MRPS12: variants seen among roughly 807,000 people sequenced by gnomAD.
MRPS12 encodes the protein mitochondrial ribosomal protein S12, also known as small ribosomal subunit protein uS12m.
Under a neutral mutation model 8.4 loss-of-function variants are expected in MRPS12, and 7 were observed. The ratio of observed to expected loss-of-function variants is 0.83; its 90% CI spans 0.47 to 1.56. MRPS12 has a LOEUF of 1.56. Ranked by LOEUF, MRPS12 falls within the 40% of genes most tolerant of loss-of-function variation. The probability of loss-of-function intolerance (pLI) is 0.01; values close to 1 mark genes in which losing one functional copy is unlikely to be tolerated. For synonymous variants in MRPS12, 84 were observed against 84.1 expected, an observed-to-expected ratio of 1.00 and a Z score of 0.01; for missense variants, 200 against 194.1, an observed-to-expected ratio of 1.03 and a Z score of -0.18.
chr19:38,931,824 C>T lies in MRPS12; in HGVS notation c.49+481C>T, dbSNP rs1332211762. 1.9e-5 allele frequency: 3 copies of T among 157,702 alleles called. No individual in the cohort carries two copies. The Admixed American group carries it at 1.9e-4, about 10-fold the overall frequency. 9.8% of individuals were successfully genotyped at this position (157,702 alleles called of 1,614,324 possible). On this transcript the variant is annotated intron_variant, in intron 2 of 2. Coordinates refer to ENST00000308018, the MANE Select transcript of MRPS12 (RefSeq NM_033362.4). ...AAGTGCTAGGATTACATGCATGAGC[C>T]ACTGAGCCTACTATTATTTTAAACA...
rs201447868 is a variant in MRPS12, at chr19:38,932,396, G to A, written c.113G>A (p.Arg38His). Residue 38 changes from arginine (R) to histidine (H), a missense_variant, in exon 3 of 3, where the codon CGC becomes CAC. Physicochemically the swap from Arg to His is conservative, Grantham distance 29. Transcript: ENST00000308018. ...CSMATLNQMH[R>H]LGPPKRPPRK... ...ATGGCTACCCTGAACCAGATGCACCGCCTGGGGCCCCCCAAGCGGCCGCCT... is the reference window on the plus strand; with the variant it reads ...ATGGCTACCCTGAACCAGATGCACCACCTGGGGCCCCCCAAGCGGCCGCCT... 9.4e-6 allele frequency: 15 copies of A among 1,602,542 alleles called. No individual in the cohort carries two copies. The highest frequency in any genetic ancestry group is 6.7e-5 in the East Asian group (3 of 44,730).
At chr19:38,931,144 A>C in intron 1 of MRPS12, 132 bp from the exon 2 acceptor site, 1 of 761,834 alleles carries the variant, frequency 1.3e-6, no homozygotes, top group Non-Finnish European at 2.2e-6. Context: ...TGTTAGCAGC[A>C]TGAGGGCCTG....
At position 38,932,373 on chromosome 19, in the gene MRPS12, G is replaced by A; in HGVS notation, c.90G>A (p.Met30Ile). Residue 30 changes from methionine to isoleucine, a missense_variant, in exon 3 of 3, where the codon ATG becomes ATA. Coordinates refer to ENST00000308018, the MANE Select transcript of MRPS12 (RefSeq NM_033362.4). ...CCCGGCTCTGGGCTACCTGCTCCAT[G>A]GCTACCCTGAACCAGATGCACCGCC... is the stretch of plus-strand genomic sequence containing the variant. ...LVPRLWATCS[M>I]ATLNQMHRLG... 1 of 1,578,416 alleles carries A rather than the reference G, an allele frequency of 6.3e-7. No individual in the cohort carries two copies. The highest frequency in any genetic ancestry group is 8.6e-7 in the Non-Finnish European group (1 of 1,160,064).
rs776376225 is a variant in MRPS12, at chr19:38,932,358, G to T, written c.75G>T (p.Trp25Cys). 1.3e-6 allele frequency: 2 copies of T among 1,555,444 alleles called. No individual in the cohort carries two copies. The highest frequency in any genetic ancestry group is 1.2e-5 in the South Asian group (1 of 84,500). Residue 25 changes from tryptophan to cysteine, a missense_variant, in exon 3 of 3, where the codon TGG (tryptophan) becomes TGT (cysteine). Coordinates refer to ENST00000308018, the MANE Select transcript of MRPS12 (RefSeq NM_033362.4). ...TCGPALVPRL[W>C]ATCSMATLNQ... ...GCCCAGCTCTGGTTCCCCGGCTCTGGGCTACCTGCTCCATGGCTACCCTGA... is the reference window on the plus strand; with the variant it reads ...GCCCAGCTCTGGTTCCCCGGCTCTGTGCTACCTGCTCCATGGCTACCCTGA...
In MRPS12 at chr19:38,930,982, C is replaced by T. The variant is rs544092057; in HGVS notation, c.-36C>T. 4 of 604,610 alleles carry T rather than the reference C, an allele frequency of 6.6e-6. No individual in the cohort carries two copies. Among genetic ancestry groups the T allele is most frequent in the East Asian group, 2.8e-5 (1 of 36,046 alleles). 37.5% of individuals were successfully genotyped at this position (604,610 alleles called of 1,614,324 possible). A position where few individuals can be genotyped will look rare whatever the true frequency, so the allele number is the denominator to read the frequency against. ...TGGATTCAGCGTGTCCGCGACCTCA[C>T]CTTTAGGTCCTGTGAGGTCGGTGGA... On this transcript the variant is annotated 5_prime_UTR_variant, in exon 1 of 3. Coordinates refer to ENST00000308018, the MANE Select transcript of MRPS12 (RefSeq NM_033362.4).
At position 38,932,535 on chromosome 19, in the gene MRPS12, G is replaced by T. The variant is rs35977895; in HGVS notation, c.252G>T (p.Arg84=). 1.4e-3 allele frequency: 2,315 copies of T among 1,613,102 alleles called. 32 individuals carry two copies. In the African/African-American group the frequency reaches 0.028, roughly 19 times the overall value. Residue 84 remains arginine, a synonymous_variant, in exon 3 of 3, where the codon CGG becomes CGT. Transcript: ENST00000308018. The part of the protein sequence containing the change: ...NSANRKCCRV[R]LSTGREAVCF... ...CCAATCGCAAGTGCTGTCGAGTGCG[G>T]CTCAGCACTGGCCGCGAGGCCGTCT...
rs760349697 is a variant in MRPS12, at chr19:38,931,309, C to T, written c.15C>T (p.Gly5=). 6 of 1,605,368 alleles carry T rather than the reference C, an allele frequency of 3.7e-6. No individual in the cohort carries two copies. Among genetic ancestry groups the T allele is most frequent in the Non-Finnish European group, 4.3e-6 (5 of 1,176,398 alleles). The change falls in exon 2 of 3, where the codon GGC becomes GGT. Residue 5 remains glycine, a synonymous_variant. Transcript: ENST00000308018. MSWS[G]LLHGLNTSLT... is the part of the protein sequence containing the mutation. ...CAGGTGGCAGGATGTCCTGGTCTGG[C>T]CTTCTCCATGGCCTCAACACGTCCC... is the stretch of plus-strand genomic sequence containing the variant.
At position 38,932,544 on chromosome 19, in the gene MRPS12, T is replaced by C; in HGVS notation, c.261T>C (p.Thr87=). ...NRKCCRVRLS[T]GREAVCFIPG... is the part of the protein sequence containing the mutation. The stretch of plus-strand genomic sequence containing the variant: ...AGTGCTGTCGAGTGCGGCTCAGCAC[T>C]GGCCGCGAGGCCGTCTGCTTCATCC... The change falls in exon 3 of 3, where the codon ACT becomes ACC. Residue 87 remains threonine, a synonymous_variant. Coordinates refer to ENST00000308018, the MANE Select transcript of MRPS12 (RefSeq NM_033362.4). 1 of 1,613,044 alleles carries C rather than the reference T, an allele frequency of 6.2e-7. No individual in the cohort carries two copies. Among genetic ancestry groups the C allele is most frequent in the Non-Finnish European group, 8.5e-7 (1 of 1,179,390 alleles).
rs554624944 is a variant in MRPS12 at position 38,931,544 on chromosome 19, A to C, written c.49+201A>C. The stretch of plus-strand genomic sequence containing the variant: ...CTGCGTGTCAAGCGGCGTTTGGGTC[A>C]GTTTTATTATTTATTTATTTAAGAT... On this transcript the variant is annotated intron_variant, in intron 2 of 2. Transcript: ENST00000308018. 2.3e-3 allele frequency: 1,031 copies of C among 439,788 alleles called. 4 individuals are homozygous for C. Among genetic ancestry groups the C allele is most frequent in the Non-Finnish European group, 2.9e-3 (731 of 248,348 alleles). The allele number at this position is 439,788 out of a possible 1,614,324, so 27.2% of individuals were successfully genotyped here.
chr19:38,931,143 C>T (rs11541303), intron 1 of MRPS12, 133 bp from the exon 2 acceptor site: 1 of 756,396 alleles, frequency 1.3e-6, no homozygotes, highest in African/African-American at 1.8e-5. Flanking sequence ...CTGTTAGCAG[C>T]ATGAGGGCCT....
intron 2 of MRPS12, chr19:38,931,629 C>T (rs1323522987): frequency 2.9e-5 from 8 of 273,708 alleles, no homozygotes; most frequent in Non-Finnish European, 5.5e-5. Context: ...GCAGTCTCGA[C>T]CTCCTGGGCT....
chr19:38,932,443 G>A lies in MRPS12; in HGVS notation c.160G>A (p.Gly54Ser). ...GCCTCGGAAGCTGGGCCCCACGGAAGGCCGGCCGCAGCTGAAGGGTGTGGT... is the reference window on the plus strand; with the variant it reads ...GCCTCGGAAGCTGGGCCCCACGGAAAGCCGGCCGCAGCTGAAGGGTGTGGT... The part of the protein sequence containing the change: ...RPPRKLGPTE[G>S]RPQLKGVVLC... The change falls in exon 3 of 3, where the codon GGC becomes AGC. Residue 54 changes from glycine (G) to serine (S), a missense_variant. Physicochemically the swap from Gly to Ser is moderately conservative, Grantham distance 56 (BLOSUM62 0). Coordinates refer to ENST00000308018, the MANE Select transcript of MRPS12 (RefSeq NM_033362.4). 6.2e-7 allele frequency: 1 copy of A among 1,612,496 alleles called. No individual in the cohort carries two copies. The highest frequency in any genetic ancestry group is 8.5e-7 in the Non-Finnish European group (1 of 1,179,116).
At position 38,932,608 on chromosome 19, in the gene MRPS12, C is replaced by CT. The variant is rs1435044831; in HGVS notation, c.327dup (p.Val110CysfsTer108). 6.2e-7 allele frequency: 1 copy of CT among 1,613,628 alleles called. No homozygotes were observed. The highest frequency in any genetic ancestry group is 2.2e-5 in the East Asian group (1 of 44,898). ...CACCCTGCAGGAGCACCAGATTGTC[C>CT]TTGTGGAGGGCGGCCGCACCCAGGA... is the stretch of plus-strand genomic sequence containing the variant. On this transcript the variant is annotated frameshift_variant, in exon 3 of 3. Transcript: ENST00000308018. LOFTEE classifies it high-confidence loss of function.
Position 38,932,696 on chromosome 19 carries a change from A to G in MRPS12, c.413A>G (p.Lys138Arg). ...TACGACTGTGGCCACGTGCAGAAGAAGTGACGGCTGGGGGCACAGTGGGCT... is the reference window on the plus strand; with the variant it reads ...TACGACTGTGGCCACGTGCAGAAGAGGTGACGGCTGGGGGCACAGTGGGCT... ...GKYDCGHVQK[K>R] Residue 138 changes from lysine to arginine, a missense_variant, in exon 3 of 3, where the codon AAG (lysine) becomes AGG (arginine). Physicochemically the swap from Lys to Arg is conservative, Grantham distance 26. Transcript: ENST00000308018. 6.2e-7 allele frequency: 1 copy of G among 1,611,626 alleles called. No homozygotes were observed. The highest frequency in any genetic ancestry group is 8.5e-7 in the Non-Finnish European group (1 of 1,179,358).
chr19:38,932,500 C>T lies in MRPS12; in HGVS notation c.217C>T (p.Pro73Ser). 1 of 1,613,102 alleles carries T rather than the reference C, an allele frequency of 6.2e-7. No homozygotes were observed. ...LCTFTRKPKK[P>S]NSANRKCCRV... ...CACGTTTACCCGCAAGCCGAAGAAG[C>T]CCAACTCAGCCAATCGCAAGTGCTG... The change falls in exon 3 of 3, where the codon CCC becomes TCC. Residue 73 changes from proline (P) to serine (S), a missense_variant. Coordinates refer to ENST00000308018, the MANE Select transcript of MRPS12 (RefSeq NM_033362.4).
chr19:38,931,420 C>G lies in MRPS12; in HGVS notation c.49+77C>G, dbSNP rs961691413. ...CGCTCTTGGACTTGTGTGCCTCCGTCGGAGCCCCGAGGGAAACGGGGGTGG... is the reference window on the plus strand; with the variant it reads ...CGCTCTTGGACTTGTGTGCCTCCGTGGGAGCCCCGAGGGAAACGGGGGTGG... On this transcript the variant is annotated intron_variant, in intron 2 of 2. Coordinates refer to ENST00000308018, the MANE Select transcript of MRPS12 (RefSeq NM_033362.4). 5 of 1,383,126 alleles carry G rather than the reference C, an allele frequency of 3.6e-6. No homozygotes were observed. The African/African-American group carries it at 7.5e-5, about 21-fold the overall frequency. The allele number at this position is 1,383,126 out of a possible 1,614,324, so 85.7% of individuals were successfully genotyped here. A position where few individuals can be genotyped will look rare whatever the true frequency, so the allele number is the denominator to read the frequency against.
In MRPS12 at chr19:38,932,527, C is replaced by G; in HGVS notation, c.244C>G (p.Arg82Gly). The G allele has an allele frequency of 6.2e-7, 1 of 1,612,988 alleles. No individual in the cohort carries two copies. Among genetic ancestry groups the G allele is most frequent in the East Asian group, 2.2e-5 (1 of 44,866 alleles). The change falls in exon 3 of 3, where the codon CGA becomes GGA. Residue 82 changes from arginine (R) to glycine (G), a missense_variant. Physicochemically the swap from Arg to Gly is moderately radical, Grantham distance 125. Transcript: ENST00000308018. Reference protein sequence around the residue: ...KPNSANRKCCRVRLSTGREAV... With the variant: ...KPNSANRKCCGVRLSTGREAV... Reference sequence around the variant, plus strand: ...CAACTCAGCCAATCGCAAGTGCTGTCGAGTGCGGCTCAGCACTGGCCGCGA... The same window carrying G: ...CAACTCAGCCAATCGCAAGTGCTGTGGAGTGCGGCTCAGCACTGGCCGCGA...
chr19:38,932,401 G>T lies in MRPS12; in HGVS notation c.118G>T (p.Gly40Trp), dbSNP rs754106456. 6.2e-7 allele frequency: 1 copy of T among 1,604,860 alleles called. No individual in the cohort carries two copies. The highest frequency in any genetic ancestry group is 1.7e-5 in the Admixed American group (1 of 59,288). The change falls in exon 3 of 3, where the codon GGG becomes TGG. Residue 40 changes from glycine to tryptophan, a missense_variant. Coordinates refer to ENST00000308018, the MANE Select transcript of MRPS12 (RefSeq NM_033362.4). ...MATLNQMHRL[G>W]PPKRPPRKLG... ...TACCCTGAACCAGATGCACCGCCTG[G>T]GGCCCCCCAAGCGGCCGCCTCGGAA...
rs756657373 is a variant in MRPS12 at position 38,932,316 on chromosome 19, C to CT, written c.50-14dup. The CT allele has an allele frequency of 6.6e-7, 1 of 1,509,154 alleles. No individual in the cohort carries two copies. Among genetic ancestry groups the CT allele is most frequent in the African/African-American group, 1.4e-5 (1 of 71,782 alleles). The allele number at this position is 1,509,154 out of a possible 1,614,324, so 93.5% of individuals were successfully genotyped here. The stretch of plus-strand genomic sequence containing the variant: ...GATCTGTTCTCTGGGATAATAACCC[C>CT]TTTCGGCCCTCTCCAGGCCCAGCTC... On this transcript the variant is annotated splice_polypyrimidine_tract_variant and intron_variant, in intron 2 of 2. Transcript: ENST00000308018.
Sources: gnomAD v4.1 joint callset for allele counts on GRCh38, gnomAD v4.1.1 for gene constraint, MANE v1.5 for transcripts, NCBI Gene and HGNC (gene_info 2026-07-23, HGNC 2026-07-21) for gene names.